The following WWTR1 variants were observed in gnomAD, a reference collection of about 807,000 sequenced individuals.
WWTR1 encodes WW domain containing transcription regulator 1.
In WWTR1, 13 loss-of-function variants were observed where a neutral mutation model predicts 40.1. That is an observed-to-expected ratio of 0.32 (90% CI 0.21 to 0.52). WWTR1 has a LOEUF of 0.52. Among genes scored for constraint, WWTR1 ranks in the 20% least tolerant of loss-of-function variants. The pLI is 0.97. For missense variants in WWTR1, 436 were observed against 523.1 expected, an observed-to-expected ratio of 0.83 and a Z score of 1.63; for synonymous variants, 230 against 210.1, an observed-to-expected ratio of 1.09 and a Z score of -0.82.
chr3:149,598,705 C>T lies in WWTR1; in HGVS notation c.432-25705G>A, dbSNP rs533370885. 1.1e-4 allele frequency among the ~76,000 whole-genome samples: 17 copies of T among 152,170 alleles called. No homozygotes were observed. In the East Asian group the frequency reaches 2.9e-3, roughly 26 times the overall value. ...ATATTCAAATGCCGTTAAAAACTTT[C>T]ATCAACATCATAATTTAATTAACAA... On this transcript the variant is annotated intron_variant, in intron 2 of 6. Transcript: ENST00000360632.
intron 2 of WWTR1, among the ~76,000 whole-genome samples, chr3:149,618,988 G>C (rs553671679): frequency 6.6e-6 from 1 of 152,162 alleles, no homozygotes; most frequent in South Asian, 2.1e-4. Flanking sequence ...CAGGCTGCTT[G>C]CCAAACAAGG....
intron 6 of WWTR1, among the ~76,000 whole-genome samples, chr3:149,523,418 T>C (rs1038999856): frequency 1.1e-4 from 17 of 152,298 alleles, no homozygotes; most frequent in African/African-American, 4.1e-4. Context: ...CCAGCTAATT[T>C]TGTATTCTTA....
intron 3 of WWTR1, among the ~76,000 whole-genome samples, chr3:149,570,099 C>G (rs1737546911): frequency 6.6e-6 from 1 of 152,238 alleles, no homozygotes; most frequent in African/African-American, 2.4e-5. Flanking sequence ...TATTGAGACT[C>G]TCTAAATTAA....
At chr3:149,551,348 T>G (rs1422245471) in intron 3 of WWTR1, among the ~76,000 whole-genome samples, 1 of 144,976 alleles carries the variant, frequency 6.9e-6, no homozygotes, top group Non-Finnish European at 1.5e-5. Context: ...TTTTAAAACT[T>G]GAATGCAGTC....
chr3:149,713,815 C>T (rs968723086), intron 5 of WWTR1, among the ~76,000 whole-genome samples: 6 of 152,194 alleles, frequency 3.9e-5, no homozygotes, highest in Non-Finnish European at 7.3e-5. Flanking sequence ...AGCGGTGTGA[C>T]CCCTGTGGCA....
intron 3 of WWTR1, among the ~76,000 whole-genome samples, chr3:149,548,120 T>C (rs1736449694): frequency 6.6e-6 from 1 of 152,068 alleles, no homozygotes; most frequent in Admixed American, 6.5e-5. Flanking sequence ...TGGGGCAATA[T>C]ACACTTGGTC....
chr3:149,698,601 T>C (rs779400973), intron 1 of WWTR1, among the ~76,000 whole-genome samples: 1 of 152,214 alleles, frequency 6.6e-6, no homozygotes, highest in Non-Finnish European at 1.5e-5. Flanking sequence ...CCCCTAGGCA[T>C]TGCCTTAGTA....
intron 3 of WWTR1, among the ~76,000 whole-genome samples, chr3:149,546,337 G>T (rs1422358193): frequency 6.6e-6 from 1 of 152,208 alleles, no homozygotes; most frequent in Non-Finnish European, 1.5e-5. Flanking sequence ...AATTGCAAAA[G>T]ATTAAAAATG....
intron 2 of WWTR1, among the ~76,000 whole-genome samples, chr3:149,619,889 C>G (rs1740188531): frequency 6.6e-6 from 1 of 152,076 alleles, no homozygotes; most frequent in Non-Finnish European, 1.5e-5. Flanking sequence ...GTCTCGTTCT[C>G]TCAGGATCTC....
intron 5 of WWTR1, chr3:149,717,390 CT>C (rs1156849513): frequency 8.5e-5 from 13 of 152,162 alleles, no homozygotes; most frequent in Non-Finnish European, 1.8e-4. Context: ...AAGGACAATT[CT>C]TTTGATTGTG....
At chr3:149,616,591 T>C (rs530711126) in intron 2 of WWTR1, among the ~76,000 whole-genome samples, 4,693 of 152,118 alleles carry the variant, frequency 0.031, 245 homozygotes, top group East Asian at 0.22. Context: ...TACAGGGACG[T>C]GCCACCACAC....
At chr3:149,579,925 T>C (rs1275999920) in intron 2 of WWTR1, among the ~76,000 whole-genome samples, 4 of 152,188 alleles carry the variant, frequency 2.6e-5, no homozygotes, top group Non-Finnish European at 5.9e-5. Context: ...TTGGATGAGG[T>C]TGATAAATTC....
At chr3:149,655,727 T>C (rs925338239) in intron 2 of WWTR1, among the ~76,000 whole-genome samples, 2 of 152,222 alleles carry the variant, frequency 1.3e-5, no homozygotes, top group Admixed American at 6.5e-5. Context: ...ATCAATGGGC[T>C]CACTATAGTA....
intron 3 of WWTR1, among the ~76,000 whole-genome samples, chr3:149,545,292 C>A (rs1320180916): frequency 6.6e-6 from 1 of 152,094 alleles, no homozygotes; most frequent in African/African-American, 2.4e-5. Flanking sequence ...TTCATGAAAC[C>A]TATTTCAAGC....
intron 3 of WWTR1, among the ~76,000 whole-genome samples, chr3:149,557,678 T>C (rs1189403427): frequency 6.6e-6 from 1 of 151,904 alleles, no homozygotes; most frequent in Non-Finnish European, 1.5e-5. Context: ...TTACCCCAAC[T>C]TAATTCAATT....
chr3:149,560,640 A>C (rs2107973827), intron 3 of WWTR1, among the ~76,000 whole-genome samples: 1 of 152,336 alleles, frequency 6.6e-6, no homozygotes, highest in East Asian at 1.9e-4. Context: ...AATCAGCCAC[A>C]TTAATTTTTT....
intron 4 of WWTR1, among the ~76,000 whole-genome samples, chr3:149,530,369 A>C (rs1039966074): frequency 1.3e-5 from 2 of 151,402 alleles, no homozygotes; most frequent in African/African-American, 4.9e-5. Flanking sequence ...AAAAAAATAC[A>C]AGTTGAATCT....
intron 2 of WWTR1, among the ~76,000 whole-genome samples, chr3:149,612,991 G>T (rs1222016481): frequency 1.3e-5 from 2 of 152,138 alleles, no homozygotes; most frequent in Non-Finnish European, 2.9e-5. Flanking sequence ...TTTAGAACAC[G>T]GTTCCAATGC....
intron 2 of WWTR1, among the ~76,000 whole-genome samples, chr3:149,636,509 G>GA (rs1254368218): frequency 6.6e-6 from 1 of 152,058 alleles, no homozygotes; most frequent in Non-Finnish European, 1.5e-5. Context: ...GTTTTTGCTT[G>GA]AAAAACTGAT....
Sources: allele counts gnomAD v4.1 joint callset (sites outside exome capture counted in the v4.1 genomes callset), GRCh38; gene constraint gnomAD v4.1.1; transcripts MANE v1.5; gene names NCBI Gene and HGNC (gene_info 2026-07-23, HGNC 2026-07-21).